The following ARL17A variants were observed in gnomAD, a reference collection of about 807,000 sequenced individuals.
ARL17A encodes ARF like GTPase 17A, also known as ADP-ribosylation factor-like 17-like.
intron 3 of ARL17A, among the ~76,000 whole-genome samples, chr17:46,569,121 T>C (rs1479578186): frequency 6.6e-6 from 1 of 150,626 alleles, no homozygotes; most frequent in Non-Finnish European, 1.5e-5. Context: ...TTTTTTTGCA[T>C]ATTTTTAGTA....
intron 3 of ARL17A, among the ~76,000 whole-genome samples, chr17:46,539,443 C>T (rs1318109757): frequency 6.7e-6 from 1 of 149,018 alleles, no homozygotes; most frequent in African/African-American, 2.5e-5. Flanking sequence ...CAAATTAAAC[C>T]ATAAATTTTA....
intron 2 of ARL17A, among the ~76,000 whole-genome samples, chr17:46,575,284 C>T (rs1197388903): frequency 2.2e-5 from 3 of 137,458 alleles, no homozygotes; most frequent in East Asian, 2.0e-4. Context: ...CTTAACAAGC[C>T]GGTAAAACAC....
intron 4 of ARL17A, among the ~76,000 whole-genome samples, chr17:46,535,105 G>T (rs2054467919): frequency 6.7e-6 from 1 of 148,344 alleles, no homozygotes; most frequent in Non-Finnish European, 1.5e-5. Flanking sequence ...TATTGCCAGT[G>T]CTGGTATCCA....
chr17:46,501,459 G>A, the ARL17A span, among the ~76,000 whole-genome samples: 1 of 151,234 alleles, frequency 6.6e-6, no homozygotes, highest in African/African-American at 2.5e-5. Context: ...ACAGGTGTGG[G>A]CCACCACGCC....
downstream of ARL17A, chr17:46,548,937 A>T: frequency 6.2e-7 from 1 of 1,612,526 alleles, no homozygotes; most frequent in Non-Finnish European, 8.5e-7. Flanking sequence ...AAGCCCTACC[A>T]CAGGTGAGAG....
chr17:46,551,365 C>T (rs1233870659), downstream of ARL17A, among the ~76,000 whole-genome samples: 3 of 150,636 alleles, frequency 2.0e-5, no homozygotes, highest in Non-Finnish European at 2.9e-5. Flanking sequence ...GCAACCTTGA[C>T]GCTATGCCAC....
chr17:46,552,340 C>A (rs1598552646), downstream of ARL17A, among the ~76,000 whole-genome samples: 1 of 5,634 alleles, frequency 1.8e-4, no homozygotes, highest in East Asian at 1.2e-3. Flanking sequence ...GGCTGGAGAG[C>A]AATGGTGTGA....
chr17:46,501,844 G>C, the ARL17A span, among the ~76,000 whole-genome samples: 2 of 151,132 alleles, frequency 1.3e-5, no homozygotes, highest in Admixed American at 1.3e-4. Flanking sequence ...AATTAACCTT[G>C]ATCAAATCTG....
At position 46,568,942 on chromosome 17, in the gene ARL17A, C is replaced by CT. The variant is rs1350099989; in HGVS notation, c.259+1816dup. 3.8e-3 allele frequency among the ~76,000 whole-genome samples: 268 copies of CT among 71,138 alleles called. 5 individuals carry two copies. The highest frequency in any genetic ancestry group is 6.4e-3 in the African/African-American group (126 of 19,580). 46.7% of individuals were successfully genotyped at this position (71,138 alleles called of 152,430 possible). ...TGTAGAAAGGATACTTTTTTTTTCTCTTTTTTTTTTTTTTTTTTGAGATGG... is the reference window on the plus strand; with the variant it reads ...TGTAGAAAGGATACTTTTTTTTTCTCTTTTTTTTTTTTTTTTTTTGAGATGG... On this transcript the variant is annotated intron_variant, in intron 3 of 3. Transcript: ENST00000336125.
chr17:46,501,531 G>T, the ARL17A span, among the ~76,000 whole-genome samples: 1 of 151,276 alleles, frequency 6.6e-6, no homozygotes, highest in Admixed American at 6.6e-5. Flanking sequence ...TCGTCTGCCG[G>T]CTGTTATATA....
At chr17:46,526,365 C>T (rs879485753), downstream of ARL17A, among the ~76,000 whole-genome samples, 99 of 97,630 alleles carry the variant, frequency 1.0e-3, no homozygotes, top group Non-Finnish European at 1.7e-3. Flanking sequence ...TATTTCCCTG[C>T]ATTACACAAG....
chr17:46,532,141 C>CAT (rs1181069692), intron 4 of ARL17A, among the ~76,000 whole-genome samples: 1 of 149,628 alleles, frequency 6.7e-6, no homozygotes, highest in Non-Finnish European at 1.5e-5. Context: ...TCAGATGATC[C>CAT]ACCTGCTTCA....
chr17:46,548,253 A>G, downstream of ARL17A: 1 of 361,344 alleles, frequency 2.8e-6, no homozygotes, highest in South Asian at 2.3e-5. Context: ...ACAGCTATGG[A>G]CTGATGCATC....
rs1442181772 is a variant in ARL17A, at chr17:46,545,502, ACTTT to A, written c.260-7080_260-7077del. Among the ~76,000 whole-genome samples, 5 of 121,936 alleles carry A rather than the reference ACTTT, an allele frequency of 4.1e-5. No homozygotes were observed. The East Asian group carries it at 6.8e-4, about 17-fold the overall frequency. 80.0% of individuals were successfully genotyped at this position (121,936 alleles called of 152,430 possible). A position where few individuals can be genotyped will look rare whatever the true frequency, so the allele number is the denominator to read the frequency against. ...ATTAATAAATAATCTGTGGGTTGTT[ACTTT>A]GAGTTCAGTGAAGATCCTGTTCTCA... is the stretch of plus-strand genomic sequence containing the variant. On this transcript the variant is annotated intron_variant, in intron 3 of 4. Transcript: ENST00000329240.
In ARL17A at chr17:46,555,197, GGA is replaced by G; in HGVS notation, c.*2157_*2158del. The G allele has an allele frequency of 1.4e-6, 2 of 1,386,412 alleles. No individual in the cohort carries two copies. Among genetic ancestry groups the G allele is most frequent in the Non-Finnish European group, 1.9e-6 (2 of 1,046,342 alleles). 85.9% of individuals were successfully genotyped at this position (1,386,412 alleles called of 1,614,324 possible). A position where few individuals can be genotyped will look rare whatever the true frequency, so the allele number is the denominator to read the frequency against. On this transcript the variant is annotated 3_prime_UTR_variant, in exon 4 of 4. Coordinates refer to ENST00000336125, the MANE Select transcript of ARL17A (RefSeq NM_001113738.2). ...CATGGAGGGGATGCTCTTCGCGAAG[GGA>G]GAGTCAGGTACATTGGAGGATTCAT...
chr17:46,543,847 G>C (rs575010760), intron 3 of ARL17A, among the ~76,000 whole-genome samples: 8 of 150,290 alleles, frequency 5.3e-5, no homozygotes, highest in Non-Finnish European at 8.8e-5. Context: ...CAAAAATTTT[G>C]GGCTCATGCC....
chr17:46,541,677 T>G (rs1457159490), intron 3 of ARL17A, among the ~76,000 whole-genome samples: 1 of 150,790 alleles, frequency 6.6e-6, no homozygotes, highest in African/African-American at 2.5e-5. Flanking sequence ...TGGGGAATAT[T>G]TGGAAAAAAT....
At chr17:46,504,952 TGAGA>T in the ARL17A span, among the ~76,000 whole-genome samples, 1 of 105,374 alleles carries the variant, frequency 9.5e-6, no homozygotes, top group Non-Finnish European at 1.8e-5. Flanking sequence ...TAACTAATTT[TGAGA>T]GAGAGTCTTG....
At chr17:46,548,917 A>G (rs562756647), downstream of ARL17A, 29 of 1,612,722 alleles carry the variant, frequency 1.8e-5, 2 homozygotes, top group African/African-American at 3.8e-4. Context: ...TTCTACCTCC[A>G]GCCCTGCAAA....
Sources: allele counts gnomAD v4.1 joint callset (sites outside exome capture counted in the v4.1 genomes callset), GRCh38; gene constraint gnomAD v4.1.1; transcripts MANE v1.5; gene names NCBI Gene and HGNC (gene_info 2026-07-23, HGNC 2026-07-21).